SMAP1: variants seen among roughly 807,000 people sequenced by gnomAD.
The protein encoded by SMAP1 is stromal membrane-associated protein 1.
A neutral mutation model predicts 58.5 loss-of-function variants in SMAP1; 24 were observed. That is an observed-to-expected ratio of 0.41 (90% confidence interval 0.30 to 0.58). SMAP1 has a LOEUF of 0.58. Among genes scored for constraint, SMAP1 ranks in the 20% least tolerant of loss-of-function variants. SMAP1 has a pLI of 0.29. For missense variants in SMAP1, 563 were observed against 566.3 expected, an observed-to-expected ratio of 0.99 and a Z score of 0.06; for synonymous variants, 216 against 196.6, an observed-to-expected ratio of 1.10 and a Z score of -0.82.
At chr6:70,795,730 T>C (rs1768576566) in intron 5 of SMAP1, among the ~76,000 whole-genome samples, 2 of 151,846 alleles carry the variant, frequency 1.3e-5, no homozygotes, top group Admixed American at 1.3e-4. Context: ...TCTCAACATA[T>C]TTTTCTTTTT....
intron 7 of SMAP1, among the ~76,000 whole-genome samples, chr6:70,850,686 A>G (rs1437377624): frequency 6.6e-6 from 1 of 152,086 alleles, no homozygotes; most frequent in Non-Finnish European, 1.5e-5. Context: ...TTAAATCACC[A>G]CTGGCTTATA....
chr6:70,768,010 A>T (rs1204409986), intron 3 of SMAP1, among the ~76,000 whole-genome samples: 2 of 150,908 alleles, frequency 1.3e-5, no homozygotes, highest in African/African-American at 2.4e-5. Flanking sequence ...TGAGATAATC[A>T]TGTGGTTTTT....
intron 6 of SMAP1, among the ~76,000 whole-genome samples, chr6:70,807,477 A>G (rs1252523889): frequency 3.3e-5 from 5 of 152,204 alleles, no homozygotes; most frequent in East Asian, 1.9e-4. Context: ...GGACATTTCT[A>G]TTTAATTCAC....
intron 2 of SMAP1, among the ~76,000 whole-genome samples, chr6:70,754,392 G>A (rs2149888681): frequency 6.6e-6 from 1 of 152,132 alleles, no homozygotes; most frequent in South Asian, 2.1e-4. Context: ...TCTATGAACT[G>A]AACTTATATG....
intron 1 of SMAP1, among the ~76,000 whole-genome samples, chr6:70,697,154 A>T (rs1319392328): frequency 2.6e-5 from 4 of 152,060 alleles, no homozygotes; most frequent in Middle Eastern, 3.2e-3. Context: ...GTAACAGTTC[A>T]TTGGATGTTG....
intron 3 of SMAP1, chr6:70,759,840 A>G (rs1327467637): frequency 4.5e-6 from 2 of 447,222 alleles, no homozygotes; most frequent in Admixed American, 2.4e-5. Flanking sequence ...AAGATATAAT[A>G]CTGGAAACAA....
chr6:70,816,061 G>GAGAC (rs1234344912), intron 6 of SMAP1, among the ~76,000 whole-genome samples: 2 of 152,158 alleles, frequency 1.3e-5, no homozygotes, highest in African/African-American at 2.4e-5. Flanking sequence ...ACAGAGTGTG[G>GAGAC]AGGTTTGGAG....
At chr6:70,668,177 C>T in intron 1 of SMAP1, 36 bp downstream of exon 1, 2 of 1,547,112 alleles carry the variant, frequency 1.3e-6, no homozygotes, top group Non-Finnish European at 8.8e-7. Context: ...CGGTCGGGGC[C>T]TCTTGCGACC....
chr6:70,770,749 T>C (rs1011655806), intron 3 of SMAP1, among the ~76,000 whole-genome samples: 9 of 152,208 alleles, frequency 5.9e-5, no homozygotes, highest in Admixed American at 3.9e-4. Flanking sequence ...TCTCTCAACT[T>C]GTCAAAGTCA....
chr6:70,859,204 G>A lies in SMAP1; in HGVS notation c.1269+975G>A, dbSNP rs115934315. 2.8e-3 allele frequency: 1,701 copies of A among 598,566 alleles called. 25 individuals are homozygous for A. In the African/African-American group the frequency reaches 0.029, roughly 10 times the overall value. The allele number at this position is 598,566 out of a possible 1,614,324, so 37.1% of individuals were successfully genotyped here. On this transcript the variant is annotated intron_variant, in intron 10 of 10. Coordinates refer to ENST00000370455, the MANE Select transcript of SMAP1 (RefSeq NM_001044305.3). ...ATAGGTAAAACATTGGTCTCTACCC[G>A]CTGGGAATCTAAAAAATTGTATGTG...
At chr6:70,845,993 CAG>C (rs1300962024) in intron 7 of SMAP1, among the ~76,000 whole-genome samples, 4 of 152,126 alleles carry the variant, frequency 2.6e-5, no homozygotes, top group Admixed American at 1.3e-4. Flanking sequence ...TCTATGAAAA[CAG>C]AGGAAGAGGA....
At chr6:70,841,942 G>A (rs1770822141) in intron 7 of SMAP1, among the ~76,000 whole-genome samples, 1 of 152,188 alleles carries the variant, frequency 6.6e-6, no homozygotes, top group South Asian at 2.1e-4. Flanking sequence ...ATTTCTCAAA[G>A]TCCATGTGCT....
intron 1 of SMAP1, among the ~76,000 whole-genome samples, chr6:70,670,779 C>A (rs1289462684): frequency 6.6e-6 from 1 of 152,150 alleles, no homozygotes; most frequent in East Asian, 1.9e-4. Context: ...AAAACTAAAG[C>A]TTAGGATTTG....
chr6:70,799,041 T>G (rs1768732250), intron 6 of SMAP1, among the ~76,000 whole-genome samples: 2 of 152,022 alleles, frequency 1.3e-5, no homozygotes. Flanking sequence ...ACTTAGAATT[T>G]TAGAGAATGA....
At chr6:70,808,922 G>A (rs181232787) in intron 6 of SMAP1, among the ~76,000 whole-genome samples, 32 of 151,064 alleles carry the variant, frequency 2.1e-4, no homozygotes, top group African/African-American at 6.6e-4. Context: ...GTGTGTGTGT[G>A]TGTGTGTGTG....
At chr6:70,700,383 C>G (rs1767580178) in intron 1 of SMAP1, among the ~76,000 whole-genome samples, 1 of 152,190 alleles carries the variant, frequency 6.6e-6, no homozygotes, top group Admixed American at 6.5e-5. Context: ...ACTGCAACCT[C>G]CATTTCCCAG....
At chr6:70,784,197 A>C (rs999932697) in intron 4 of SMAP1, among the ~76,000 whole-genome samples, 1 of 152,196 alleles carries the variant, frequency 6.6e-6, no homozygotes, top group South Asian at 2.1e-4. Context: ...ATATCCAGCC[A>C]AACTAAGCTT....
At chr6:70,692,059 A>C (rs918716292) in intron 1 of SMAP1, among the ~76,000 whole-genome samples, 4 of 152,138 alleles carry the variant, frequency 2.6e-5, no homozygotes, top group Non-Finnish European at 4.4e-5. Flanking sequence ...TAGTGGCTGC[A>C]CTAATTTGCC....
chr6:70,682,241 T>C (rs1208492562), intron 1 of SMAP1, among the ~76,000 whole-genome samples: 1 of 144,098 alleles, frequency 6.9e-6, no homozygotes, highest in Admixed American at 7.3e-5. Flanking sequence ...CAGGCTCAAG[T>C]GCAGTGGGGC....
Sources: gnomAD v4.1 joint callset for allele counts (sites outside exome capture counted in the v4.1 genomes callset) on GRCh38, gnomAD v4.1.1 for gene constraint, MANE v1.5 for transcripts, NCBI Gene and HGNC (gene_info 2026-07-23, HGNC 2026-07-21) for gene names.